The following AEBP2 variants were observed in gnomAD, a reference collection of about 807,000 sequenced individuals.
The protein encoded by AEBP2 is zinc finger protein AEBP2.
In AEBP2, 10 loss-of-function variants were observed where a neutral mutation model predicts 50.8. The ratio of observed to expected loss-of-function variants is 0.20; its 90% CI spans 0.12 to 0.33. The LOEUF is 0.33. Ranked by LOEUF, AEBP2 falls within the 10% of genes least tolerant of loss-of-function variation. The pLI, the probability that AEBP2 is intolerant of heterozygous loss-of-function variation, is 1.00. For missense variants in AEBP2, 570 were observed against 688.0 expected (o/e 0.83, Z 1.92); for synonymous variants, 296 against 261.3 (o/e 1.13, Z -1.28).
intron 7 of AEBP2, 127 bp downstream of exon 7, chr12:19,514,911 G>A: frequency 1.5e-6 from 1 of 659,724 alleles, no homozygotes; most frequent in Non-Finnish European, 2.5e-6. Flanking sequence ...TTACTTCCTG[G>A]CTTTTTTTTT....
intron 3 of AEBP2, among the ~76,000 whole-genome samples, chr12:19,485,402 C>T (rs562358789): frequency 5.3e-5 from 8 of 151,902 alleles, no homozygotes; most frequent in South Asian, 2.1e-4. Context: ...AATATGGAAA[C>T]GAGGTAATGA....
At chr12:19,422,886 A>T (rs1488659979) in intron 1 of AEBP2, among the ~76,000 whole-genome samples, 1 of 151,566 alleles carries the variant, frequency 6.6e-6, no homozygotes, top group Admixed American at 6.6e-5. Context: ...CAACTTGTTG[A>T]GACCCCATCT....
intron 1 of AEBP2, among the ~76,000 whole-genome samples, chr12:19,412,581 G>A (rs1315753832): frequency 2.0e-5 from 3 of 150,822 alleles, no homozygotes; most frequent in Non-Finnish European, 2.9e-5. Flanking sequence ...CCCGGCCTCC[G>A]AAGGTTATTA....
intron 6 of AEBP2, among the ~76,000 whole-genome samples, chr12:19,514,096 T>C (rs1411925118): frequency 2.0e-5 from 3 of 151,888 alleles, no homozygotes; most frequent in Non-Finnish European, 4.4e-5. Context: ...GTCTCCTGGG[T>C]TCAAGCGATT....
intron 5 of AEBP2, chr12:19,509,084 C>T: frequency 3.5e-6 from 2 of 567,024 alleles, no homozygotes; most frequent in South Asian, 3.7e-5. Flanking sequence ...TGCTGTGAGA[C>T]CTAAAGTTCT....
rs900742223 is a variant in AEBP2, at chr12:19,462,821, T to C, written c.879+104T>C. 4.8e-6 allele frequency: 5 copies of C among 1,044,118 alleles called. No individual in the cohort carries two copies. The South Asian group carries it at 7.3e-5, about 15-fold the overall frequency. The allele number at this position is 1,044,118 out of a possible 1,614,324, so 64.7% of individuals were successfully genotyped here. A position where few individuals can be genotyped will look rare whatever the true frequency, so the allele number is the denominator to read the frequency against. On this transcript the variant is annotated intron_variant, in intron 2 of 7. Transcript: ENST00000266508. ...GCTGAAAGTAATTTGGGATTATTTTTACACAGGCTTAGTTTTTTCAAGTGA... is the reference window on the plus strand; with the variant it reads ...GCTGAAAGTAATTTGGGATTATTTTCACACAGGCTTAGTTTTTTCAAGTGA...
At chr12:19,411,903 C>T (rs1380797499) in intron 1 of AEBP2, among the ~76,000 whole-genome samples, 1 of 152,214 alleles carries the variant, frequency 6.6e-6, no homozygotes, top group Non-Finnish European at 1.5e-5. Flanking sequence ...TACAGTGAAG[C>T]TCAGAATTTC....
intron 6 of AEBP2, among the ~76,000 whole-genome samples, chr12:19,513,303 T>C (rs920037471): frequency 1.4e-5 from 2 of 148,118 alleles, no homozygotes; most frequent in African/African-American, 2.5e-5. Context: ...ATTTAGAGCT[T>C]AGTTCATATA....
At chr12:19,483,366 C>T (rs781665078) in intron 3 of AEBP2, among the ~76,000 whole-genome samples, 3 of 152,134 alleles carry the variant, frequency 2.0e-5, no homozygotes, top group South Asian at 4.1e-4. Context: ...TTTTCAGATT[C>T]CCCAGTGGGG....
At chr12:19,457,516 CCTT>C (rs1328049581) in intron 1 of AEBP2, 13 of 1,486,394 alleles carry the variant, frequency 8.7e-6, no homozygotes, top group African/African-American at 2.8e-5. Context: ...TCAGCAGCCT[CCTT>C]CTCAATTTTT....
intron 3 of AEBP2, among the ~76,000 whole-genome samples, chr12:19,478,696 T>A (rs1948686248): frequency 1.3e-5 from 2 of 152,220 alleles, no homozygotes; most frequent in Middle Eastern, 3.2e-3. Flanking sequence ...AATAATTTTT[T>A]AATTTCCACC....
In AEBP2 at chr12:19,518,687, A is replaced by G. The variant is rs1255947284; in HGVS notation, c.*570A>G. On this transcript the variant is annotated 3_prime_UTR_variant, in exon 8 of 8. Transcript: ENST00000266508. ...TGTTCTTTTGCAGAACTCTGATAAG[A>G]AAAGTGTTCAATTTGTATTTAAGCA... 1.4e-6 allele frequency: 2 copies of G among 1,481,096 alleles called. No homozygotes were observed. Among genetic ancestry groups the G allele is most frequent in the African/African-American group, 1.4e-5 (1 of 72,122 alleles). The allele number at this position is 1,481,096 out of a possible 1,614,324, so 91.7% of individuals were successfully genotyped here. A position where few individuals can be genotyped will look rare whatever the true frequency, so the allele number is the denominator to read the frequency against.
In AEBP2 at chr12:19,426,088, A is replaced by G. The variant is rs374773517; in HGVS notation, c.-17+21872A>G. 4.8e-4 allele frequency among the ~76,000 whole-genome samples: 73 copies of G among 152,154 alleles called. 3 individuals are homozygous for G. The East Asian group carries it at 7.8e-3, about 16-fold the overall frequency. Reference sequence around the variant, plus strand: ...GTAGCTGGGACTACAGGCGTGCACCACCACAACTGGCTAATTTTTATATTT... The same window carrying G: ...GTAGCTGGGACTACAGGCGTGCACCGCCACAACTGGCTAATTTTTATATTT... On this transcript the variant is annotated intron_variant, in intron 1 of 3. Transcript: ENST00000538425.
chr12:19,441,345 G>C (rs993108660), intron 1 of AEBP2, among the ~76,000 whole-genome samples: 1 of 152,100 alleles, frequency 6.6e-6, no homozygotes, highest in Admixed American at 6.5e-5. Flanking sequence ...GTTTGGGTTA[G>C]TTGGTTTTTA....
chr12:19,463,873 C>G (rs1431269555), intron 2 of AEBP2, among the ~76,000 whole-genome samples: 1 of 151,900 alleles, frequency 6.6e-6, no homozygotes, highest in Non-Finnish European at 1.5e-5. Flanking sequence ...GCCATGTTGG[C>G]CAGGCTGGTC....
At chr12:19,496,366 A>G (rs1007074840) in intron 4 of AEBP2, among the ~76,000 whole-genome samples, 4 of 152,168 alleles carry the variant, frequency 2.6e-5, no homozygotes, top group African/African-American at 7.2e-5. Flanking sequence ...TTTATTGAGG[A>G]GAATGGGGTT....
chr12:19,486,844 T>A (rs1311311280), intron 3 of AEBP2, among the ~76,000 whole-genome samples: 1 of 152,036 alleles, frequency 6.6e-6, no homozygotes, highest in Non-Finnish European at 1.5e-5. Context: ...TAACCCAGGC[T>A]GGAGTGCAGT....
rs375553042 is a variant in AEBP2 at position 19,469,034 on chromosome 12, C to T, written c.880-4214C>T. The stretch of plus-strand genomic sequence containing the variant: ...TCGCCTCCCAGGTTCAAGCGATCCT[C>T]CTCCCTCAGCCTCCCAAGTAGCTGG... On this transcript the variant is annotated intron_variant, in intron 2 of 7. Transcript: ENST00000266508. Among the ~76,000 whole-genome samples, 11 of 152,320 alleles carry T rather than the reference C, an allele frequency of 7.2e-5. No individual in the cohort carries two copies. The East Asian group carries it at 1.9e-3, about 27-fold the overall frequency.
At chr12:19,437,238 A>G (rs1565700812), upstream of AEBP2, among the ~76,000 whole-genome samples, 1 of 152,288 alleles carries the variant, frequency 6.6e-6, no homozygotes, top group East Asian at 1.9e-4. Flanking sequence ...ACATTTCTAC[A>G]TGGATGTCCA....
Sources: allele counts gnomAD v4.1 joint callset (sites outside exome capture counted in the v4.1 genomes callset), GRCh38; gene constraint gnomAD v4.1.1; transcripts MANE v1.5; gene names NCBI Gene and HGNC (gene_info 2026-07-23, HGNC 2026-07-21).